MBD5: variants seen among roughly 807,000 people sequenced by gnomAD.
The protein encoded by MBD5 is methyl-CpG-binding domain protein 5.
MBD5 carries 13 observed loss-of-function variants against 117.3 expected under a neutral mutation model. The ratio of observed to expected loss-of-function variants is 0.11; its 90% CI spans 0.07 to 0.18. The LOEUF (loss-of-function observed/expected upper bound fraction) is 0.18. Among genes scored for constraint, MBD5 ranks in the 10% least tolerant of loss-of-function variants. The pLI, the probability that MBD5 is intolerant of heterozygous loss-of-function variation, is 1.00. For synonymous variants in MBD5, 727 were observed against 766.4 expected, an observed-to-expected ratio of 0.95 and a Z score of 0.85; for missense variants, 1,879 against 2,093.8, an observed-to-expected ratio of 0.90 and a Z score of 2.00.
At chr2:148,376,930 G>C (rs1704009332) in intron 4 of MBD5, among the ~76,000 whole-genome samples, 1 of 143,308 alleles carries the variant, frequency 7.0e-6, no homozygotes, top group South Asian at 2.2e-4. Flanking sequence ...TATAAATAGA[G>C]AGTTAGCAAG....
intron 1 of MBD5, among the ~76,000 whole-genome samples, chr2:148,086,479 C>A (rs1350247085): frequency 6.6e-6 from 1 of 152,092 alleles, no homozygotes; most frequent in Admixed American, 6.5e-5. Context: ...AATATTAGTT[C>A]TATGGAACTT....
chr2:148,475,560 G>C (rs1046139517), intron 8 of MBD5, among the ~76,000 whole-genome samples: 3 of 152,076 alleles, frequency 2.0e-5, no homozygotes, highest in Non-Finnish European at 4.4e-5. Flanking sequence ...CTGATTCAGT[G>C]ATCTATTTTG....
At chr2:148,267,943 C>CTTT (rs1318536214) in intron 3 of MBD5, among the ~76,000 whole-genome samples, 2 of 139,770 alleles carry the variant, frequency 1.4e-5, no homozygotes, top group Non-Finnish European at 1.6e-5. Flanking sequence ...GCTCTCTTTT[C>CTTT]TTTTTTTTCT....
chr2:148,072,842 T>C (rs1695399298), intron 1 of MBD5, among the ~76,000 whole-genome samples: 1 of 152,216 alleles, frequency 6.6e-6, no homozygotes, highest in Non-Finnish European at 1.5e-5. Context: ...GGTAAATGTT[T>C]ATGAATCTTT....
At chr2:148,284,143 G>T (rs1167815802) in intron 3 of MBD5, among the ~76,000 whole-genome samples, 1 of 151,848 alleles carries the variant, frequency 6.6e-6, no homozygotes, top group Admixed American at 6.6e-5. Context: ...GGAGTTTGGG[G>T]GATTAAATCT....
chr2:148,225,081 T>C lies in MBD5; in HGVS notation c.-830-8164T>C, dbSNP rs533439265. Among the ~76,000 whole-genome samples, 11 of 152,306 alleles carry C rather than the reference T, an allele frequency of 7.2e-5. No individual in the cohort carries two copies. The South Asian group carries it at 2.3e-3, about 32-fold the overall frequency. ...CACTTACATTCAGTTTCTTTATTGGTAAGTAAGGACTTACTCCTGCCATTT... is the reference window on the plus strand; with the variant it reads ...CACTTACATTCAGTTTCTTTATTGGCAAGTAAGGACTTACTCCTGCCATTT... On this transcript the variant is annotated intron_variant, in intron 2 of 13. Coordinates refer to ENST00000642680, the MANE Select transcript of MBD5 (RefSeq NM_001378120.1).
chr2:148,233,466 G>A (rs1368860009), intron 3 of MBD5, 71 bp downstream of exon 3: 1 of 151,990 alleles, frequency 6.6e-6, no homozygotes, highest in East Asian at 1.9e-4. Context: ...AATTATATTG[G>A]GTTTTAATTT....
chr2:148,370,657 G>A (rs10928395), intron 4 of MBD5, among the ~76,000 whole-genome samples: 76,156 of 151,748 alleles, frequency 0.5, 19,398 homozygotes, highest in East Asian at 0.75. Context: ...CTTGGCTAAT[G>A]TATGTATTTT....
chr2:148,264,082 A>G (rs1700795616), intron 3 of MBD5: 1 of 152,336 alleles, frequency 6.6e-6, no homozygotes, highest in East Asian at 1.9e-4. Flanking sequence ...CAAAGTGCAC[A>G]TGTAGATGTG....
intron 4 of MBD5, among the ~76,000 whole-genome samples, chr2:148,388,675 C>T (rs750431510): frequency 6.6e-6 from 1 of 152,102 alleles, no homozygotes; most frequent in Admixed American, 6.5e-5. Context: ...CTGCTGAGGC[C>T]TCGCTCCTTG....
rs542662142 is a variant in MBD5 at position 148,226,801 on chromosome 2, T to C, written c.-830-6444T>C. 2.7e-4 allele frequency among the ~76,000 whole-genome samples: 41 copies of C among 152,248 alleles called. 1 individual carries two copies. In the South Asian group the frequency reaches 7.5e-3, roughly 28 times the overall value. On this transcript the variant is annotated intron_variant, in intron 2 of 13. Coordinates refer to ENST00000642680, the MANE Select transcript of MBD5 (RefSeq NM_001378120.1). Reference sequence around the variant, plus strand: ...TGTTTCCTGACTTTTTAATGATCACTATTCTAACTGGTGTGAGATGGTATC... The same window carrying C: ...TGTTTCCTGACTTTTTAATGATCACCATTCTAACTGGTGTGAGATGGTATC...
chr2:148,465,913 A>G (rs1319812607), intron 7 of MBD5, among the ~76,000 whole-genome samples: 1 of 152,106 alleles, frequency 6.6e-6, no homozygotes, highest in Non-Finnish European at 1.5e-5. Flanking sequence ...GAGTCTGCTT[A>G]TTGCCTTTCT....
rs576042628 is a variant in MBD5, at chr2:148,218,963, A to T, written c.-830-14282A>T. ...CTTAGGCTACACTAAATTTATTTTAAAAGTTTTTTTCTACAATAACAAATT... is the reference window on the plus strand; with the variant it reads ...CTTAGGCTACACTAAATTTATTTTATAAGTTTTTTTCTACAATAACAAATT... On this transcript the variant is annotated intron_variant, in intron 2 of 13. Transcript: ENST00000642680. Among the ~76,000 whole-genome samples the T allele has an allele frequency of 5.2e-4, 79 of 152,312 alleles. 1 individual carries two copies. Among genetic ancestry groups the T allele is most frequent in the East Asian group, 1.3e-3 (7 of 5,188 alleles).
At chr2:148,443,283 A>G (rs1706383483) in intron 4 of MBD5, among the ~76,000 whole-genome samples, 1 of 151,320 alleles carries the variant, frequency 6.6e-6, no homozygotes, top group African/African-American at 2.5e-5. Flanking sequence ...ACCTTTGTAC[A>G]CTGTTGTACA....
At chr2:148,379,046 G>C (rs1574354232) in intron 4 of MBD5, among the ~76,000 whole-genome samples, 2 of 152,046 alleles carry the variant, frequency 1.3e-5, no homozygotes, top group East Asian at 3.9e-4. Flanking sequence ...TCTGAGACTA[G>C]TAAAAGACTC....
chr2:148,077,720 A>G (rs895627303), intron 1 of MBD5, among the ~76,000 whole-genome samples: 1 of 152,146 alleles, frequency 6.6e-6, no homozygotes, highest in Admixed American at 6.5e-5. Flanking sequence ...ATTCAGACTG[A>G]GAGGAGTGGG....
rs372735767 is a variant in MBD5 at position 148,111,867 on chromosome 2, T to G, written c.-924-66833T>G. On this transcript the variant is annotated intron_variant, in intron 1 of 13. Transcript: ENST00000642680. The stretch of plus-strand genomic sequence containing the variant: ...TTTCTATATGTACATACCTATAAGT[T>G]TAATTTATAAATTAGAGACACAGAT... Among the ~76,000 whole-genome samples the G allele has an allele frequency of 6.6e-5, 10 of 152,296 alleles. No homozygotes were observed. The East Asian group carries it at 1.7e-3, about 26-fold the overall frequency.
At chr2:148,423,424 C>T (rs955206037) in intron 4 of MBD5, among the ~76,000 whole-genome samples, 2 of 152,000 alleles carry the variant, frequency 1.3e-5, no homozygotes, top group South Asian at 2.1e-4. Flanking sequence ...GCATTTTCAA[C>T]CCAGAATTTC....
chr2:148,126,129 T>C (rs912860947), intron 1 of MBD5, among the ~76,000 whole-genome samples: 1 of 152,082 alleles, frequency 6.6e-6, no homozygotes, highest in African/African-American at 2.4e-5. Context: ...GCGCAGTGGC[T>C]CACACCTGTA....
Sources: gnomAD v4.1 joint callset for allele counts (sites outside exome capture counted in the v4.1 genomes callset) on GRCh38, gnomAD v4.1.1 for gene constraint, MANE v1.5 for transcripts, NCBI Gene and HGNC (gene_info 2026-07-23, HGNC 2026-07-21) for gene names.